Variants in SLC25A21 observed in about 807,000 individuals in gnomAD.
SLC25A21 encodes solute carrier family 25 member 21.
Under a neutral mutation model 43.8 loss-of-function variants are expected in SLC25A21, and 47 were observed. The ratio of observed to expected loss-of-function variants is 1.07; its 90% CI spans 0.85 to 1.37. The LOEUF (loss-of-function observed/expected upper bound fraction) is 1.37. Ranked by LOEUF, SLC25A21 falls within the 40% of genes most tolerant of loss-of-function variation. SLC25A21 has a pLI of 0.00. For synonymous variants in SLC25A21, 131 were observed against 121.3 expected (o/e 1.08, Z -0.52); for missense variants, 352 against 350.2 (o/e 1.00, Z -0.04).
intron 1 of SLC25A21, among the ~76,000 whole-genome samples, chr14:37,046,195 T>C (rs1961581788): frequency 6.6e-6 from 1 of 152,082 alleles, no homozygotes; most frequent in Admixed American, 6.5e-5. Context: ...CTCTTCACCA[T>C]GCTGCAATGC....
intron 2 of SLC25A21, among the ~76,000 whole-genome samples, chr14:36,861,858 T>C (rs924005241): frequency 9.9e-5 from 15 of 152,102 alleles, no homozygotes; most frequent in Admixed American, 7.9e-4. Flanking sequence ...GCCCTTAAAA[T>C]AGGAGATTAT....
intron 3 of SLC25A21, among the ~76,000 whole-genome samples, chr14:36,778,881 C>T (rs990049500): frequency 2.6e-5 from 4 of 152,104 alleles, no homozygotes; most frequent in South Asian, 4.1e-4. Flanking sequence ...GTATGCCATA[C>T]ATTATTAACT....
intron 1 of SLC25A21, among the ~76,000 whole-genome samples, chr14:37,008,196 G>C (rs778464939): frequency 6.6e-6 from 1 of 152,062 alleles, no homozygotes; most frequent in Non-Finnish European, 1.5e-5. Context: ...CAGATTTTCA[G>C]ACTGCCTAAA....
Position 37,156,480 on chromosome 14 carries a change from G to A in SLC25A21, c.70+15801C>T, listed in dbSNP as rs190944775. On this transcript the variant is annotated intron_variant, in intron 1 of 9. Transcript: ENST00000331299. ...ATAATCCACATAAATGATACAGAAC[G>A]GCTAAACAGATTTTTTAAAAACTAT... 3.0e-4 allele frequency among the ~76,000 whole-genome samples: 45 copies of A among 151,942 alleles called. No individual in the cohort carries two copies. The East Asian group carries it at 7.2e-3, about 24-fold the overall frequency.
At chr14:37,103,295 G>A (rs1382860276) in intron 1 of SLC25A21, among the ~76,000 whole-genome samples, 1 of 152,164 alleles carries the variant, frequency 6.6e-6, no homozygotes, top group Non-Finnish European at 1.5e-5. Context: ...ATTACACACA[G>A]ATGAGGTTTC....
At chr14:37,040,435 G>GAAAGA (rs1555343500) in intron 1 of SLC25A21, among the ~76,000 whole-genome samples, 2 of 100,820 alleles carry the variant, frequency 2.0e-5, no homozygotes, top group East Asian at 2.5e-4. Context: ...AAGAAAGAAA[G>GAAAGA]AAAGAAAAGA....
intron 1 of SLC25A21, among the ~76,000 whole-genome samples, chr14:36,932,214 C>T (rs1443729249): frequency 6.6e-6 from 1 of 151,992 alleles, no homozygotes; most frequent in Non-Finnish European, 1.5e-5. Flanking sequence ...TCTCAATTTC[C>T]TCCTCTATTA....
chr14:36,895,647 G>T (rs901782614), intron 1 of SLC25A21, among the ~76,000 whole-genome samples: 1 of 152,092 alleles, frequency 6.6e-6, no homozygotes, highest in Admixed American at 6.5e-5. Flanking sequence ...GTCAATTTTA[G>T]ATCTTTCCTG....
chr14:36,951,479 C>A (rs11844605), intron 1 of SLC25A21, among the ~76,000 whole-genome samples: 9,290 of 152,204 alleles, frequency 0.061, 404 homozygotes, highest in Middle Eastern at 0.15. Flanking sequence ...AATGAACAGA[C>A]CTTGATTATT....
At chr14:36,778,470 C>T (rs1187669867) in intron 3 of SLC25A21, among the ~76,000 whole-genome samples, 1 of 152,186 alleles carries the variant, frequency 6.6e-6, no homozygotes, top group Non-Finnish European at 1.5e-5. Flanking sequence ...ACTTTCAGCT[C>T]CTTAGTTCAA....
chr14:37,061,260 A>T (rs147872651), intron 1 of SLC25A21, among the ~76,000 whole-genome samples: 1 of 152,184 alleles, frequency 6.6e-6, no homozygotes, highest in African/African-American at 2.4e-5. Context: ...ACATTTTGCT[A>T]TGACACCAAC....
In SLC25A21 at chr14:37,128,538, CTGTGTGTG is replaced by C. The variant is rs367948974; in HGVS notation, c.70+43735_70+43742del. 6.2e-3 allele frequency among the ~76,000 whole-genome samples: 761 copies of C among 122,790 alleles called. 9 individuals carry two copies. Among genetic ancestry groups the C allele is most frequent in the African/African-American group, 0.02 (630 of 31,644 alleles). The allele number at this position is 122,790 out of a possible 152,430, so 80.6% of individuals were successfully genotyped here. ...ACTTTCTGTCTCTCTCTCTCTCTCT[CTGTGTGTG>C]TGTGTGTGTGTGTGTGTGTGTGTGT... On this transcript the variant is annotated intron_variant, in intron 1 of 9. Transcript: ENST00000331299.
chr14:36,861,115 C>T (rs142687211), intron 2 of SLC25A21, among the ~76,000 whole-genome samples: 111 of 152,246 alleles, frequency 7.3e-4, no homozygotes, highest in African/African-American at 2.5e-3. Context: ...GACTGCAAAG[C>T]AAAAGCATAA....
chr14:37,013,440 G>T (rs1394945406), intron 1 of SLC25A21, among the ~76,000 whole-genome samples: 1 of 152,104 alleles, frequency 6.6e-6, no homozygotes, highest in African/African-American at 2.4e-5. Context: ...TGCTCCAAGG[G>T]GGAAAACGCT....
intron 1 of SLC25A21, among the ~76,000 whole-genome samples, chr14:37,022,868 G>C (rs1961016554): frequency 6.6e-6 from 1 of 152,030 alleles, no homozygotes; most frequent in South Asian, 2.1e-4. Flanking sequence ...CTTCAAGCAA[G>C]CACACTGAAT....
chr14:36,844,073 G>A (rs1399738191), intron 2 of SLC25A21, among the ~76,000 whole-genome samples: 1 of 152,180 alleles, frequency 6.6e-6, no homozygotes, highest in African/African-American at 2.4e-5. Flanking sequence ...TTTTCAGTGT[G>A]TCACATTAGG....
chr14:36,824,579 G>T (rs1314063589), intron 2 of SLC25A21, among the ~76,000 whole-genome samples: 1 of 151,972 alleles, frequency 6.6e-6, no homozygotes, highest in African/African-American at 2.4e-5. Flanking sequence ...TATGTTTGTA[G>T]GATTAAGATC....
chr14:36,895,428 T>C (rs1463655348), intron 1 of SLC25A21, among the ~76,000 whole-genome samples: 4 of 152,180 alleles, frequency 2.6e-5, no homozygotes, highest in Non-Finnish European at 4.4e-5. Flanking sequence ...GATTCTTCTC[T>C]CTTTTCTTCT....
intron 3 of SLC25A21, among the ~76,000 whole-genome samples, chr14:36,746,109 C>T (rs1473878743): frequency 6.6e-6 from 1 of 152,018 alleles, no homozygotes; most frequent in Non-Finnish European, 1.5e-5. Context: ...TGGGTATCTA[C>T]CCAAAGGAAA....
Sources: allele counts gnomAD v4.1 joint callset (sites outside exome capture counted in the v4.1 genomes callset), GRCh38; gene constraint gnomAD v4.1.1; transcripts MANE v1.5; gene names NCBI Gene and HGNC (gene_info 2026-07-23, HGNC 2026-07-21).